PCDHGA11: variants seen among roughly 807,000 people sequenced by gnomAD.
The protein encoded by PCDHGA11 is protocadherin gamma-A11.
Under a neutral mutation model 60.4 loss-of-function variants are expected in PCDHGA11, and 39 were observed. That is an observed-to-expected ratio of 0.65 (90% confidence interval 0.50 to 0.84). PCDHGA11 has a LOEUF of 0.84. PCDHGA11 is among the 40% of genes least tolerant of loss of function. The pLI, the probability that PCDHGA11 is intolerant of heterozygous loss-of-function variation, is 0.00. For synonymous variants in PCDHGA11, 533 were observed against 510.3 expected, an observed-to-expected ratio of 1.04 and a Z score of -0.60; for missense variants, 1,165 against 1,197.7, an observed-to-expected ratio of 0.97 and a Z score of 0.40.
rs1429958385 is a variant in PCDHGA11 at position 141,423,117 on chromosome 5, G to A, written c.1890G>A (p.Ala630=). 1 of 1,613,698 alleles carries A rather than the reference G, an allele frequency of 6.2e-7. No homozygotes were observed. The highest frequency in any genetic ancestry group is 8.5e-7 in the Non-Finnish European group (1 of 1,179,984). Reference sequence around the variant, plus strand: ...AGCACACGGGCGAGGTGCGTACAGCGCGGGCACTGCTGGACAGAGACGCGC... The same window carrying A: ...AGCACACGGGCGAGGTGCGTACAGCACGGGCACTGCTGGACAGAGACGCGC... ...VGEHTGEVRT[A]RALLDRDALK... Residue 630 remains alanine (A), a synonymous_variant, in exon 1 of 4, where the codon GCG becomes GCA. Coordinates refer to ENST00000398587, the MANE Select transcript of PCDHGA11 (RefSeq NM_018914.3).
intron 2 of PCDHGA11, among the ~76,000 whole-genome samples, chr5:141,503,977 CCTT>C (rs1012021012): frequency 1.3e-5 from 2 of 152,250 alleles, no homozygotes; most frequent in Admixed American, 1.3e-4. Flanking sequence ...GGTGCCAAAC[CCTT>C]CTTCTTACCT....
At chr5:141,492,778 G>A (rs2099743821) in intron 1 of PCDHGA11, among the ~76,000 whole-genome samples, 1 of 152,250 alleles carries the variant, frequency 6.6e-6, no homozygotes, top group South Asian at 2.1e-4. Context: ...GAGTGAGTGA[G>A]CCTCTATAGG....
intron 1 of PCDHGA11, among the ~76,000 whole-genome samples, chr5:141,438,591 C>CATACAT (rs1228520343): frequency 1.3e-5 from 1 of 75,562 alleles, no homozygotes; most frequent in Non-Finnish European, 2.7e-5. Flanking sequence ...TACATACATA[C>CATACAT]ATATATATAT....
chr5:141,502,825 G>A (rs1487995525), intron 2 of PCDHGA11, among the ~76,000 whole-genome samples: 4 of 151,216 alleles, frequency 2.6e-5, no homozygotes, highest in South Asian at 2.1e-4. Flanking sequence ...TTTCCTTGGG[G>A]AAGCCTGGAC....
chr5:141,439,638 C>T (rs1256973189), intron 1 of PCDHGA11, among the ~76,000 whole-genome samples: 2 of 152,184 alleles, frequency 1.3e-5, no homozygotes, highest in African/African-American at 4.8e-5. Context: ...GACATTCCGG[C>T]TTGGTGGCTT....
In PCDHGA11 at chr5:141,491,942, C is replaced by A; in HGVS notation, c.2434-2865C>A. The A allele has an allele frequency of 8.9e-7, 1 of 1,122,490 alleles. No individual in the cohort carries two copies. The highest frequency in any genetic ancestry group is 1.2e-6 in the Non-Finnish European group (1 of 824,374). 69.5% of individuals were successfully genotyped at this position (1,122,490 alleles called of 1,614,324 possible). The stretch of plus-strand genomic sequence containing the variant: ...GGCGAGGGGAGGTGGGACCGACCCC[C>A]ACCCCTACACTCAAAAAAGGCCGGG... On this transcript the variant is annotated intron_variant, in intron 1 of 3. Transcript: ENST00000398587. The surrounding 1 kb of genome is among the most constrained non-coding windows in gnomAD (Gnocchi z 6.9).
Position 141,491,103 on chromosome 5 carries a change from G to C in PCDHGA11, c.2434-3704G>C. 1 of 1,614,162 alleles carries C rather than the reference G, an allele frequency of 6.2e-7. No individual in the cohort carries two copies. Among genetic ancestry groups the C allele is most frequent in the South Asian group, 1.1e-5 (1 of 91,082 alleles). On this transcript the variant is annotated intron_variant, in intron 1 of 3. Transcript: ENST00000398587. The surrounding 1 kb of genome is among the most constrained non-coding windows in gnomAD (Gnocchi z 6.9). ...CCACAGCCCCAGGACTGTTCCTCGT[G>C]TCTACACACACTGGTGAGGTGCGCA... is the stretch of plus-strand genomic sequence containing the variant.
chr5:141,478,186 C>T, intron 1 of PCDHGA11: 2 of 1,614,016 alleles, frequency 1.2e-6, no homozygotes, highest in Non-Finnish European at 1.7e-6. Context: ...AAAAAAATCT[C>T]ACCTTTTATC....
rs375127524 is a variant in PCDHGA11 at position 141,490,702 on chromosome 5, C to T, written c.2434-4105C>T. ...AGATCCAGACACTGGGGATAATGCC[C>T]GCCTCACCTACTCCATTGTAGGAAA... On this transcript the variant is annotated intron_variant, in intron 1 of 3. Coordinates refer to ENST00000398587, the MANE Select transcript of PCDHGA11 (RefSeq NM_018914.3). The surrounding 1 kb of genome is among the most constrained non-coding windows in gnomAD (Gnocchi z 5.4). 36 of 1,614,060 alleles carry T rather than the reference C, an allele frequency of 2.2e-5. No homozygotes were observed. Among genetic ancestry groups the T allele is most frequent in the South Asian group, 7.7e-5 (7 of 91,090 alleles).
Position 141,422,421 on chromosome 5 carries a change from T to C in PCDHGA11, c.1194T>C (p.Thr398=). 1 of 1,607,810 alleles carries C rather than the reference T, an allele frequency of 6.2e-7. No homozygotes were observed. Among genetic ancestry groups the C allele is most frequent in the Non-Finnish European group, 8.5e-7 (1 of 1,178,052 alleles). The stretch of plus-strand genomic sequence containing the variant: ...ACCTGCCTTTTAAATTAGAAAAGAC[T>C]TATGGAAATTATTACAAATTGATAA... ...PNHLPFKLEK[T]YGNYYKLITS... The change falls in exon 1 of 4, where the codon ACT becomes ACC. Residue 398 remains threonine, a synonymous_variant. Transcript: ENST00000398587.
rs527630741 is a variant in PCDHGA11, at chr5:141,493,568, G to A, written c.2434-1239G>A. ...TTGGAGATTGAGTTCCCCCAGCTCC[G>A]TTTCCTCCTATCACAATCACTGCAT... is the stretch of plus-strand genomic sequence containing the variant. On this transcript the variant is annotated intron_variant, in intron 1 of 3. Coordinates refer to ENST00000398587, the MANE Select transcript of PCDHGA11 (RefSeq NM_018914.3). This position sits in a 1 kb window ranked among gnomAD's most constrained non-coding sequence, Gnocchi z 4.3. 3.9e-5 allele frequency among the ~76,000 whole-genome samples: 6 copies of A among 152,250 alleles called. No homozygotes were observed. Among genetic ancestry groups the A allele is most frequent in the African/African-American group, 9.6e-5 (4 of 41,550 alleles).
chr5:141,426,173 G>A (rs2096919271), intron 1 of PCDHGA11: 1 of 155,348 alleles, frequency 6.4e-6, no homozygotes, highest in African/African-American at 2.4e-5. Flanking sequence ...TACGGATTGG[G>A]GTGCCCTCAA....
In PCDHGA11 at chr5:141,477,880, C is replaced by T. The variant is rs763789849; in HGVS notation, c.2434-16927C>T. 10 of 1,614,058 alleles carry T rather than the reference C, an allele frequency of 6.2e-6. No homozygotes were observed. The African/African-American group carries it at 1.2e-4, about 19-fold the overall frequency. ...TGCCTCGAGGTACCTCAGCTGGCCA[C>T]CTAGTGTCACGGGTGGTAGGCTGGG... is the stretch of plus-strand genomic sequence containing the variant. On this transcript the variant is annotated intron_variant, in intron 1 of 3. Transcript: ENST00000398587. The surrounding 1 kb of genome is among the most constrained non-coding windows in gnomAD (Gnocchi z 4.9).
intron 1 of PCDHGA11, chr5:141,441,249 TA>T (rs981387539): frequency 6.6e-6 from 1 of 152,206 alleles, no homozygotes; most frequent in Non-Finnish European, 1.5e-5. Context: ...ACAAGATCTT[TA>T]AATCACAAGA....
Position 141,489,533 on chromosome 5 carries a change from C to G in PCDHGA11, c.2434-5274C>G, listed in dbSNP as rs754586925. The G allele has an allele frequency of 6.2e-7, 1 of 1,614,086 alleles. No individual in the cohort carries two copies. The highest frequency in any genetic ancestry group is 1.7e-5 in the Admixed American group (1 of 60,030). ...ATTGACCGAGAAAGCCTATGTGGAG[C>G]CAGCACCAGCTGCCTGCTGCCAGTG... On this transcript the variant is annotated intron_variant, in intron 1 of 3. Coordinates refer to ENST00000398587, the MANE Select transcript of PCDHGA11 (RefSeq NM_018914.3). The surrounding 1 kb of genome is among the most constrained non-coding windows in gnomAD (Gnocchi z 4.5).
intron 1 of PCDHGA11, among the ~76,000 whole-genome samples, chr5:141,452,648 GCTCCATCCACTGCA>G (rs2098746292): frequency 6.6e-6 from 1 of 151,930 alleles, no homozygotes; most frequent in African/African-American, 2.4e-5. Flanking sequence ...TTACTCATTT[GCTCCATCCACTGCA>G]CTCCAGCCTA....
intron 1 of PCDHGA11, among the ~76,000 whole-genome samples, chr5:141,454,881 C>G (rs2098805859): frequency 7.4e-6 from 1 of 135,536 alleles, no homozygotes; most frequent in African/African-American, 2.8e-5. Flanking sequence ...GATCTTGGCT[C>G]ACTGCTAGCA....
chr5:141,458,549 T>A (rs2098948402), intron 1 of PCDHGA11, among the ~76,000 whole-genome samples: 1 of 148,072 alleles, frequency 6.8e-6, no homozygotes, highest in African/African-American at 2.6e-5. Flanking sequence ...ATTTTGTTTG[T>A]TTGTTTTGGT....
rs1186225096 is a variant in PCDHGA11, at chr5:141,490,605, C to G, written c.2434-4202C>G. The G allele has an allele frequency of 1.1e-5, 18 of 1,614,198 alleles. No homozygotes were observed. Among genetic ancestry groups the G allele is most frequent in the Non-Finnish European group, 1.5e-5 (18 of 1,180,030 alleles). On this transcript the variant is annotated intron_variant, in intron 1 of 3. Transcript: ENST00000398587. The surrounding 1 kb of genome is among the most constrained non-coding windows in gnomAD (Gnocchi z 5.4). ...TCAATGACAATGCACCCCGCTTCAACCAGCAGCTTTACACTGCTTACATCC... is the reference window on the plus strand; with the variant it reads ...TCAATGACAATGCACCCCGCTTCAAGCAGCAGCTTTACACTGCTTACATCC...
Sources: gnomAD v4.1 joint callset for allele counts (sites outside exome capture counted in the v4.1 genomes callset) on GRCh38, gnomAD v4.1.1 for gene constraint, Gnocchi (gnomAD v3.1) non-coding constraint, MANE v1.5 for transcripts, NCBI Gene and HGNC (gene_info 2026-07-23, HGNC 2026-07-21) for gene names.